Variants in NLRP5 observed in about 807,000 individuals in gnomAD.
NLRP5 encodes NLR family pyrin domain containing 5, also known as NACHT, LRR and PYD domains-containing protein 5.
NLRP5 carries 93 observed loss-of-function variants against 113.1 expected under a neutral mutation model. That is an observed-to-expected ratio of 0.82 (90% CI 0.70 to 0.98). NLRP5 has a LOEUF of 0.98. Ranked by LOEUF, NLRP5 falls within the 50% of genes least tolerant of loss-of-function variation. The pLI is 0.00. For missense variants in NLRP5, 1,808 were observed against 1,514.3 expected (o/e 1.19, Z -3.22); for synonymous variants, 751 against 600.7 (o/e 1.25, Z -3.66).
At chr19:56,017,086 C>T (rs966731017) in intron 4 of NLRP5, among the ~76,000 whole-genome samples, 10 of 152,144 alleles carry the variant, frequency 6.6e-5, no homozygotes, top group African/African-American at 2.2e-4. Flanking sequence ...GGATTACAGA[C>T]GTGAGCCACC....
intron 2 of NLRP5, among the ~76,000 whole-genome samples, chr19:56,006,218 T>A (rs1241590951): frequency 6.6e-6 from 1 of 151,952 alleles, no homozygotes; most frequent in Non-Finnish European, 1.5e-5. Context: ...AGGTGGGAAT[T>A]GAACAATGAA....
chr19:55,995,787 A>G (rs1272110025), upstream of NLRP5, among the ~76,000 whole-genome samples: 1 of 151,898 alleles, frequency 6.6e-6, no homozygotes, highest in Non-Finnish European at 1.5e-5. Flanking sequence ...TACTATAGAT[A>G]TTTCTTACCT....
Position 56,004,181 on chromosome 19 carries a change from A to C in NLRP5, c.442+86A>C, listed in dbSNP as rs1236496148. 52 of 1,383,428 alleles carry C rather than the reference A, an allele frequency of 3.8e-5. 1 individual carries two copies. The highest frequency in any genetic ancestry group is 5.2e-4 in the Middle Eastern group (2 of 3,832). The allele number at this position is 1,383,428 out of a possible 1,614,324, so 85.7% of individuals were successfully genotyped here. A position where few individuals can be genotyped will look rare whatever the true frequency, so the allele number is the denominator to read the frequency against. ...GAACAGGGAAGAATCGTTGTTCAGT[A>C]ACCGGCTCCACCTCTGCAGTGTGAG... On this transcript the variant is annotated intron_variant, in intron 2 of 14. Coordinates refer to ENST00000390649, the MANE Select transcript of NLRP5 (RefSeq NM_153447.4).
intron 3 of NLRP5, among the ~76,000 whole-genome samples, chr19:56,009,882 C>G (rs977409276): frequency 2.0e-5 from 3 of 152,118 alleles, no homozygotes; most frequent in Admixed American, 1.3e-4. Context: ...TAACTGGCAT[C>G]TGAATCAGAG....
At chr19:56,057,675 C>T (rs1464569734) in intron 13 of NLRP5, among the ~76,000 whole-genome samples, 3 of 152,092 alleles carry the variant, frequency 2.0e-5, no homozygotes, top group Admixed American at 1.3e-4. Context: ...TTGAGTTACC[C>T]ACCATCTCTC....
At chr19:56,011,725 G>A (rs914018566) in intron 3 of NLRP5, among the ~76,000 whole-genome samples, 105 of 145,790 alleles carry the variant, frequency 7.2e-4, no homozygotes, top group African/African-American at 2.5e-3. Context: ...AGATAGTCTC[G>A]CTCTGTCACC....
intron 11 of NLRP5, among the ~76,000 whole-genome samples, chr19:56,044,154 C>T (rs1422135832): frequency 6.6e-6 from 1 of 151,566 alleles, no homozygotes; most frequent in East Asian, 1.9e-4. Context: ...ACCTCCACCT[C>T]CCAGGTTCAA....
At chr19:56,038,357 G>C (rs1370836278) in intron 10 of NLRP5, among the ~76,000 whole-genome samples, 162 bp downstream of exon 10, 2 of 152,214 alleles carry the variant, frequency 1.3e-5, no homozygotes, top group African/African-American at 4.8e-5. Context: ...TGGGGTGTAA[G>C]AGTGACCTGA....
chr19:56,005,119 T>G (rs1161560258), intron 2 of NLRP5, among the ~76,000 whole-genome samples: 1 of 143,570 alleles, frequency 7.0e-6, no homozygotes, highest in Non-Finnish European at 1.5e-5. Flanking sequence ...TATATATATA[T>G]ATATATAATA....
rs555092248 is a variant in NLRP5, at chr19:56,026,767, G to T, written c.680-146G>T. 5.3e-6 allele frequency: 4 copies of T among 752,314 alleles called. No individual in the cohort carries two copies. The Admixed American group carries it at 1.2e-4, about 22-fold the overall frequency. 46.6% of individuals were successfully genotyped at this position (752,314 alleles called of 1,614,324 possible). A position where few individuals can be genotyped will look rare whatever the true frequency, so the allele number is the denominator to read the frequency against. On this transcript the variant is annotated intron_variant, in intron 6 of 14. Coordinates refer to ENST00000390649, the MANE Select transcript of NLRP5 (RefSeq NM_153447.4). ...GCTAATTTTTGTATTTATTAGAGAC[G>T]GGGCTTTGCCATTGACCAGGCTGGT...
At chr19:56,015,660 T>G (rs1191065609) in intron 3 of NLRP5, 82 bp from the exon 4 acceptor site, 1 of 1,170,440 alleles carries the variant, frequency 8.5e-7, no homozygotes, top group African/African-American at 1.5e-5. Flanking sequence ...CATGACTAAG[T>G]TTATCTGGGG....
intron 6 of NLRP5, 120 bp from the exon 7 acceptor site, chr19:56,026,793 C>G: frequency 2.9e-6 from 3 of 1,037,346 alleles, no homozygotes; most frequent in Non-Finnish European, 2.8e-6. Context: ...CCAGGCTGGT[C>G]TCAAACTCCT....
In NLRP5 at chr19:56,007,210, A is replaced by G. The variant is rs779004080; in HGVS notation, c.443-1578A>G. The stretch of plus-strand genomic sequence containing the variant: ...AAACCCTGTCTCTACTAAAAATACA[A>G]AAAATTAGCCTGGTGTAGTGGCAGG... On this transcript the variant is annotated intron_variant, in intron 2 of 14. Coordinates refer to ENST00000390649, the MANE Select transcript of NLRP5 (RefSeq NM_153447.4). 5.3e-5 allele frequency among the ~76,000 whole-genome samples: 8 copies of G among 151,228 alleles called. 1 individual carries two copies. Among genetic ancestry groups the G allele is most frequent in the African/African-American group, 7.4e-5 (3 of 40,634 alleles).
At chr19:55,995,890 T>C (rs1172158389), upstream of NLRP5, among the ~76,000 whole-genome samples, 4 of 152,176 alleles carry the variant, frequency 2.6e-5, no homozygotes, top group Non-Finnish European at 5.9e-5. Flanking sequence ...TGTTTAGAAA[T>C]GCTACTGTTT....
rs777556108 is a variant in NLRP5 at position 56,033,591 on chromosome 19, G to T, written c.2497G>T (p.Val833Phe). The T allele has an allele frequency of 2.5e-6, 4 of 1,613,630 alleles. No individual in the cohort carries two copies. In the Admixed American group the frequency reaches 5.0e-5, roughly 20 times the overall value. Reference sequence around the variant, plus strand: ...TGGTGTGCAGCACCTCTGGAGAATCGTCATGGCCAACCGTAACCTAAGATC... The same window carrying T: ...TGGTGTGCAGCACCTCTGGAGAATCTTCATGGCCAACCGTAACCTAAGATC... Residue 833 changes from valine (V) to phenylalanine (F), a missense_variant, in exon 9 of 15, where the codon GTC (valine) becomes TTC (phenylalanine). Physicochemically the swap from Val to Phe is conservative, Grantham distance 50. Coordinates refer to ENST00000390649, the MANE Select transcript of NLRP5 (RefSeq NM_153447.4).
chr19:56,032,831 C>A (rs1405705458), intron 8 of NLRP5, 50 bp downstream of exon 8: 1 of 1,532,762 alleles, frequency 6.5e-7, no homozygotes, highest in Non-Finnish European at 8.9e-7. Flanking sequence ...GACGCTATCC[C>A]AGCTCTCCCC....
chr19:56,024,281 C>G (rs1455250956), intron 6 of NLRP5, among the ~76,000 whole-genome samples: 2 of 147,476 alleles, frequency 1.4e-5, no homozygotes, highest in Non-Finnish European at 3.0e-5. Context: ...GTGGGCGGAT[C>G]ACTTGAGGTC....
intron 6 of NLRP5, among the ~76,000 whole-genome samples, chr19:56,025,742 A>C (rs1982818507): frequency 6.6e-6 from 1 of 151,744 alleles, no homozygotes; most frequent in South Asian, 2.1e-4. Flanking sequence ...GGATTCCCCC[A>C]TTGCGTGGGG....
chr19:56,056,160 C>G (rs181808249), intron 13 of NLRP5, among the ~76,000 whole-genome samples: 59 of 152,276 alleles, frequency 3.9e-4, no homozygotes, highest in Non-Finnish European at 5.9e-4. Context: ...ACAAATAACT[C>G]CTACCCCTTC....
Sources: gnomAD v4.1 joint callset for allele counts (sites outside exome capture counted in the v4.1 genomes callset) on GRCh38, gnomAD v4.1.1 for gene constraint, MANE v1.5 for transcripts, NCBI Gene and HGNC (gene_info 2026-07-23, HGNC 2026-07-21) for gene names.